Variants in SIAE observed in about 807,000 individuals in gnomAD.
The protein encoded by SIAE is sialate O-acetylesterase.
A neutral mutation model predicts 52.6 loss-of-function variants in SIAE; 39 were observed. The ratio of observed to expected loss-of-function variants is 0.74; its 90% confidence interval spans 0.57 to 0.97. The LOEUF (loss-of-function observed/expected upper bound fraction) is 0.97, where lower values mean the gene tolerates loss of function less well. Among genes scored for constraint, SIAE ranks in the 50% least tolerant of loss-of-function variants. SIAE has a pLI of 0.00. For synonymous variants in SIAE, 233 were observed against 241.4 expected (o/e 0.97, Z 0.32); for missense variants, 592 against 662.1 (o/e 0.89, Z 1.16).
At chr11:124,649,032 C>A (rs990698082) in intron 5 of SIAE, among the ~76,000 whole-genome samples, 1 of 152,198 alleles carries the variant, frequency 6.6e-6, no homozygotes, top group East Asian at 1.9e-4. Context: ...CCCTTTCCCT[C>A]CCCAAGTATT....
At chr11:124,671,631 A>G (rs1943357947) in intron 1 of SIAE, among the ~76,000 whole-genome samples, 1 of 152,230 alleles carries the variant, frequency 6.6e-6, no homozygotes, top group Non-Finnish European at 1.5e-5. Context: ...TTCTAAGTTC[A>G]TTAGAGTAGA....
At chr11:124,671,830 C>T (rs1943361920) in intron 1 of SIAE, among the ~76,000 whole-genome samples, 1 of 152,094 alleles carries the variant, frequency 6.6e-6, no homozygotes, top group Non-Finnish European at 1.5e-5. Flanking sequence ...GGTGCGATCT[C>T]AGCTCACTGC....
At chr11:124,654,214 C>T (rs1049365486) in intron 4 of SIAE, 1 of 984,848 alleles carries the variant, frequency 1.0e-6, no homozygotes, top group Non-Finnish European at 1.2e-6. Flanking sequence ...ATGGAGAGCT[C>T]ATGCTGAATG....
intron 2 of SIAE, among the ~76,000 whole-genome samples, chr11:124,664,578 GC>G (rs1375077598): frequency 6.6e-6 from 1 of 151,836 alleles, no homozygotes; most frequent in Non-Finnish European, 1.5e-5. Flanking sequence ...TCACATTCCA[GC>G]CAAGGGCAGT....
At chr11:124,671,599 C>T (rs1452615217) in intron 1 of SIAE, among the ~76,000 whole-genome samples, 1 of 152,116 alleles carries the variant, frequency 6.6e-6, no homozygotes, top group African/African-American at 2.4e-5. Context: ...AAATCATATT[C>T]CTCATCTTTG....
chr11:124,667,958 C>T (rs527946487), intron 2 of SIAE, among the ~76,000 whole-genome samples: 1 of 152,276 alleles, frequency 6.6e-6, no homozygotes, highest in South Asian at 2.1e-4. Context: ...GCCTGCCCAC[C>T]ACCTCTATCT....
At chr11:124,649,858 C>T in intron 4 of SIAE, 62 bp from the exon 5 acceptor site, 2 of 1,570,904 alleles carry the variant, frequency 1.3e-6, no homozygotes, top group Non-Finnish European at 1.7e-6. Context: ...CAAACTGCAG[C>T]TGCTAGGTGG....
chr11:124,673,880 TTA>T, upstream of SIAE: 12 of 695,532 alleles, frequency 1.7e-5, no homozygotes, highest in Non-Finnish European at 2.3e-5. Context: ...TTTTTTTTTT[TTA>T]AAGAAAAAAC....
chr11:124,673,602 G>A (rs377130164), intron 1 of SIAE, 40 bp downstream of exon 1: 6 of 1,602,870 alleles, frequency 3.7e-6, no homozygotes, highest in Non-Finnish European at 5.1e-6. Flanking sequence ...AGCCCGCACA[G>A]GCTGAGGGGC....
At chr11:124,654,107 G>A (rs1474897191) in intron 4 of SIAE, 3 of 488,214 alleles carry the variant, frequency 6.1e-6, no homozygotes, top group Non-Finnish European at 5.3e-6. Flanking sequence ...AACCCAGGAG[G>A]CGGAGGTTGC....
chr11:124,649,887 G>C, intron 4 of SIAE, 91 bp from the exon 5 acceptor site: 1 of 1,198,628 alleles, frequency 8.3e-7, no homozygotes, highest in Non-Finnish European at 1.2e-6. Flanking sequence ...GAGAAGGGTG[G>C]GCAGAGGTCA....
At chr11:124,637,682 A>C (rs1942773688) in intron 9 of SIAE, among the ~76,000 whole-genome samples, 1 of 152,214 alleles carries the variant, frequency 6.6e-6, no homozygotes, top group Admixed American at 6.5e-5. Flanking sequence ...AATTATCCAG[A>C]CCACTGGCAA....
At chr11:124,637,278 CAG>C in intron 9 of SIAE, 76 bp from the exon 10 acceptor site, 1 of 1,594,272 alleles carries the variant, frequency 6.3e-7, no homozygotes. Flanking sequence ...CTCTTTCAGA[CAG>C]AATGGATGGG....
chr11:124,638,400 T>G, intron 9 of SIAE, 142 bp downstream of exon 9: 1 of 848,562 alleles, frequency 1.2e-6, no homozygotes. Flanking sequence ...AACAGCTGTT[T>G]ATTTGCAGCT....
intron 8 of SIAE, among the ~76,000 whole-genome samples, chr11:124,639,172 C>T (rs1483643882): frequency 6.6e-6 from 1 of 152,214 alleles, no homozygotes; most frequent in Non-Finnish European, 1.5e-5. Flanking sequence ...AATCCAGACA[C>T]TGTGTGTTGG....
At chr11:124,675,520 T>G (rs1043116340), upstream of SIAE, 2 of 1,287,776 alleles carry the variant, frequency 1.6e-6, no homozygotes, top group Non-Finnish European at 2.1e-6. Context: ...AAGCCTTTTA[T>G]GAGGCAGGGA....
intron 4 of SIAE, among the ~76,000 whole-genome samples, chr11:124,653,576 T>A (rs1216885785): frequency 6.6e-6 from 1 of 152,082 alleles, no homozygotes; most frequent in East Asian, 1.9e-4. Context: ...ATTAGAAGAA[T>A]GATAGTAACA....
intron 7 of SIAE, among the ~76,000 whole-genome samples, chr11:124,641,886 G>C (rs1942852258): frequency 6.6e-6 from 1 of 151,170 alleles, no homozygotes; most frequent in Non-Finnish European, 1.5e-5. Context: ...CTTGAACCCA[G>C]GAGGCGGAGG....
In SIAE at chr11:124,639,792, C is replaced by T. The variant is rs377298089; in HGVS notation, c.1042G>A (p.Gly348Ser). ...GGCATCTTTGGGTTGGGGACATAGC[C>T]GAAGTCTGCTGTTTGATGCCAACGG... is the stretch of plus-strand genomic sequence containing the variant. ...QIRWHQTADF[G>S]YVPNPKMPNT... Residue 348 changes from glycine (G) to serine (S), a missense_variant, in exon 8 of 10, where the codon GGC (glycine) becomes AGC (serine). By Grantham distance (56) the Gly-to-Ser change is moderately conservative (BLOSUM62 0). Transcript: ENST00000263593. The T allele has an allele frequency of 1.2e-5, 19 of 1,614,070 alleles. No homozygotes were observed. The highest frequency in any genetic ancestry group is 8.0e-5 in the African/African-American group (6 of 74,922).
Sources: allele counts gnomAD v4.1 joint callset (sites outside exome capture counted in the v4.1 genomes callset), GRCh38; gene constraint gnomAD v4.1.1; transcripts MANE v1.5; gene names NCBI Gene and HGNC (gene_info 2026-07-23, HGNC 2026-07-21).